Variants in SRGAP3 observed in about 807,000 individuals in gnomAD.
SRGAP3 encodes the protein SLIT-ROBO Rho GTPase activating protein 3.
A neutral mutation model predicts 121.1 loss-of-function variants in SRGAP3; 39 were observed. That is an observed-to-expected ratio of 0.32 (90% CI 0.25 to 0.42). The LOEUF (loss-of-function observed/expected upper bound fraction) is 0.42, where lower values mean the gene tolerates loss of function less well. SRGAP3 is among the 10% of genes least tolerant of loss of function. The probability of loss-of-function intolerance (pLI) is 1.00; values close to 1 mark genes in which losing one functional copy is unlikely to be tolerated. For synonymous variants in SRGAP3, 601 were observed against 570.0 expected (o/e 1.05, Z -0.77); for missense variants, 1,213 against 1,470.6 (o/e 0.82, Z 2.86).
chr3:9,221,512 G>C (rs1429220605), intron 1 of SRGAP3, among the ~76,000 whole-genome samples: 3 of 152,232 alleles, frequency 2.0e-5, no homozygotes, highest in Middle Eastern at 3.4e-3. Flanking sequence ...ACTCCAGCCT[G>C]GGCAACAGAG....
chr3:9,220,586 T>C (rs757344599), intron 1 of SRGAP3, among the ~76,000 whole-genome samples: 2 of 152,228 alleles, frequency 1.3e-5, no homozygotes, highest in African/African-American at 2.4e-5. Flanking sequence ...GGCATCTTGT[T>C]TGATCATTAT....
intron 18 of SRGAP3, among the ~76,000 whole-genome samples, chr3:9,005,965 GA>G: frequency 6.6e-6 from 1 of 152,074 alleles, no homozygotes; most frequent in East Asian, 1.9e-4. Context: ...GTTTTAAGAA[GA>G]AGGCAGGGTC....
Position 9,328,789 on chromosome 3 carries a change from G to A in SRGAP3, n.283+1739C>T, listed in dbSNP as rs575565110. ...CCTTAGCTACCGAGCTACAGCGTGG[G>A]GTAGTCTCCACTGCTCTTCCCAGAA... is the stretch of plus-strand genomic sequence containing the variant. On this transcript the variant is annotated intron_variant and non_coding_transcript_variant, in intron 2 of 3. Coordinates refer to the SRGAP3 transcript ENST00000490889. Among the ~76,000 whole-genome samples the A allele has an allele frequency of 5.3e-5, 8 of 152,264 alleles. 1 individual carries two copies. The South Asian group carries it at 1.7e-3, about 32-fold the overall frequency.
At chr3:9,060,051 G>T (rs900944700) in intron 6 of SRGAP3, 180 bp downstream of exon 6, 4 of 954,146 alleles carry the variant, frequency 4.2e-6, no homozygotes, top group Admixed American at 4.1e-5. Context: ...TAGACACCAC[G>T]AGGTAACATT....
chr3:9,291,553 C>T (rs1004108558), intron 3 of SRGAP3, among the ~76,000 whole-genome samples: 13 of 151,694 alleles, frequency 8.6e-5, no homozygotes, highest in Admixed American at 5.3e-4. Flanking sequence ...TCCCAAAAAA[C>T]AATCAATAAG....
rs549452008 is a variant in SRGAP3, at chr3:9,058,590, G to A, written c.802-118C>T. The A allele has an allele frequency of 2.3e-5, 25 of 1,105,856 alleles. No individual in the cohort carries two copies. In the East Asian group the frequency reaches 3.0e-4, roughly 13 times the overall value. 68.5% of individuals were successfully genotyped at this position (1,105,856 alleles called of 1,614,324 possible). On this transcript the variant is annotated intron_variant, in intron 6 of 21. Coordinates refer to ENST00000383836, the MANE Select transcript of SRGAP3 (RefSeq NM_014850.4). ...TTTCCACAGCCGAATCTTCCATCCC[G>A]GAGGCCCCAAGGCACTTTGGAATCC...
chr3:9,088,444 T>C (rs1432888592), intron 3 of SRGAP3, among the ~76,000 whole-genome samples: 2 of 152,180 alleles, frequency 1.3e-5, no homozygotes, highest in African/African-American at 4.8e-5. Flanking sequence ...CTTTGCCTCT[T>C]TGCCTGTAGC....
chr3:9,111,250 G>C (rs1440091446), intron 2 of SRGAP3, among the ~76,000 whole-genome samples: 1 of 152,206 alleles, frequency 6.6e-6, no homozygotes, highest in Admixed American at 6.5e-5. Context: ...AGGGGAGCCT[G>C]TGCCATGAGT....
intron 1 of SRGAP3, among the ~76,000 whole-genome samples, chr3:9,179,414 A>G (rs928074738): frequency 5.3e-5 from 8 of 152,202 alleles, no homozygotes; most frequent in Non-Finnish European, 1.2e-4. Flanking sequence ...TCTGGAAAGT[A>G]GAGGTAATAA....
chr3:9,223,095 C>G (rs545730623), intron 1 of SRGAP3, among the ~76,000 whole-genome samples: 2 of 152,324 alleles, frequency 1.3e-5, no homozygotes, highest in South Asian at 4.1e-4. Flanking sequence ...GGATGCTTTT[C>G]CAGAACAGAG....
intron 2 of SRGAP3, among the ~76,000 whole-genome samples, chr3:9,105,916 C>T (rs113446884): frequency 4.6e-4 from 70 of 152,300 alleles, no homozygotes; most frequent in Admixed American, 4.6e-4. Flanking sequence ...CATTAGCCTA[C>T]GGATGGGCAA....
chr3:9,290,223 C>A (rs1189628532), intron 3 of SRGAP3, among the ~76,000 whole-genome samples: 1 of 152,210 alleles, frequency 6.6e-6, no homozygotes, highest in Non-Finnish European at 1.5e-5. Flanking sequence ...TTCTTCATAA[C>A]TTGCTAGCTC....
chr3:9,250,560 G>A (rs1953985551), upstream of SRGAP3, among the ~76,000 whole-genome samples: 1 of 152,164 alleles, frequency 6.6e-6, no homozygotes, highest in South Asian at 2.1e-4. Context: ...GCAGGGTAAG[G>A]AACATCGGGA....
At chr3:9,298,751 C>T (rs4686339) in intron 3 of SRGAP3, among the ~76,000 whole-genome samples, 33,055 of 152,052 alleles carry the variant, frequency 0.22, 4,491 homozygotes, top group Non-Finnish European at 0.3. Context: ...GAAATAGCAG[C>T]CACATGAAAA....
At chr3:9,288,220 C>G (rs1194853594) in intron 3 of SRGAP3, among the ~76,000 whole-genome samples, 2 of 150,630 alleles carry the variant, frequency 1.3e-5, no homozygotes, top group Non-Finnish European at 1.5e-5. Context: ...TCACTGCAAC[C>G]TCTGCCTCCC....
intron 1 of SRGAP3, among the ~76,000 whole-genome samples, chr3:9,331,481 C>A (rs931287647): frequency 2.0e-5 from 3 of 152,178 alleles, no homozygotes; most frequent in Admixed American, 2.0e-4. Context: ...CAGATGGCAA[C>A]TATGTGAGAC....
intron 1 of SRGAP3, among the ~76,000 whole-genome samples, chr3:9,138,917 C>A (rs984001243): frequency 2.7e-5 from 4 of 148,214 alleles, no homozygotes; most frequent in Non-Finnish European, 5.9e-5. Context: ...TGGTCCCAAG[C>A]ATTTCAGATA....
chr3:9,010,623 G>T (rs188768069), intron 17 of SRGAP3, among the ~76,000 whole-genome samples: 2 of 152,226 alleles, frequency 1.3e-5, no homozygotes, highest in African/African-American at 4.8e-5. Flanking sequence ...TCCTAGCCCT[G>T]GAATTTGCTG....
At chr3:9,011,214 C>A (rs1316333697) in intron 17 of SRGAP3, among the ~76,000 whole-genome samples, 1 of 152,012 alleles carries the variant, frequency 6.6e-6, no homozygotes, top group African/African-American at 2.4e-5. Flanking sequence ...AAGACAGTTG[C>A]AAGTTATGTT....
Sources: gnomAD v4.1 joint callset for allele counts (sites outside exome capture counted in the v4.1 genomes callset) on GRCh38, gnomAD v4.1.1 for gene constraint, MANE v1.5 for transcripts, NCBI Gene and HGNC (gene_info 2026-07-23, HGNC 2026-07-21) for gene names.